ALMS1: variants seen among roughly 807,000 people sequenced by gnomAD.
ALMS1 encodes the protein centrosome-associated protein ALMS1.
A neutral mutation model predicts 352.2 loss-of-function variants in ALMS1; 271 were observed. That is an observed-to-expected ratio of 0.77 (90% CI 0.70 to 0.85). The LOEUF (loss-of-function observed/expected upper bound fraction) is 0.85. Among genes scored for constraint, ALMS1 ranks in the 40% least tolerant of loss-of-function variants. ALMS1 has a pLI of 0.00. For missense variants in ALMS1, 5,445 were observed against 4,870.7 expected, an observed-to-expected ratio of 1.12 and a Z score of -3.51; for synonymous variants, 1,865 against 1,761.2, an observed-to-expected ratio of 1.06 and a Z score of -1.48.
chr2:73,390,766 T>A (rs1216768696), intron 1 of ALMS1, among the ~76,000 whole-genome samples: 2 of 151,798 alleles, frequency 1.3e-5, no homozygotes, highest in African/African-American at 4.8e-5. Context: ...TGCTTGGAAA[T>A]CTTTTTTTTT....
intron 1 of ALMS1, among the ~76,000 whole-genome samples, chr2:73,391,344 A>G (rs1221003238): frequency 1.6e-5 from 2 of 127,646 alleles, no homozygotes; most frequent in Non-Finnish European, 3.1e-5. Context: ...CCCAGGCTGG[A>G]GTGCAGTGGC....
rs753487338 is a variant in ALMS1, at chr2:73,424,511, A to C, written c.846A>C (p.Ala282=). The C allele has an allele frequency of 4.3e-6, 7 of 1,609,692 alleles. No individual in the cohort carries two copies. The highest frequency in any genetic ancestry group is 5.1e-6 in the Non-Finnish European group (6 of 1,177,672). The change falls in exon 5 of 23, where the codon GCA becomes GCC. Residue 282 remains alanine, a synonymous_variant. Coordinates refer to ENST00000613296, the MANE Select transcript of ALMS1 (RefSeq NM_001378454.1). ...GTGAAGCTTTATTCCAGGCTACTGCAGAAGTAGCTTCAGACTTAGCAAGCA... is the reference window on the plus strand; with the variant it reads ...GTGAAGCTTTATTCCAGGCTACTGCCGAAGTAGCTTCAGACTTAGCAAGCA... ...EVSEALFQAT[A]EVASDLASSR...
chr2:73,451,652 T>C lies in ALMS1; in HGVS notation c.5125T>C (p.Ser1709Pro). 6.2e-7 allele frequency: 1 copy of C among 1,614,080 alleles called. No individual in the cohort carries two copies. Among genetic ancestry groups the C allele is most frequent in the Non-Finnish European group, 8.5e-7 (1 of 1,179,992 alleles). Residue 1709 changes from serine (S) to proline (P), a missense_variant, in exon 8 of 23, where the codon TCT becomes CCT. Physicochemically the swap from Ser to Pro is moderately conservative, Grantham distance 74. Transcript: ENST00000613296. ...AQKTETPSVS[S>P]SLYSYREKPI... ...GAAGACTGAGACACCATCAGTATCC[T>C]CTAGTTTATACTCATATAGAGAGAA...
intron 9 of ALMS1, among the ~76,000 whole-genome samples, chr2:73,465,113 TC>T (rs1219797766): frequency 6.6e-6 from 1 of 152,176 alleles, no homozygotes; most frequent in Non-Finnish European, 1.5e-5. Flanking sequence ...CCGGTGACTT[TC>T]TTCACAGAAT....
intron 16 of ALMS1, among the ~76,000 whole-genome samples, chr2:73,574,177 T>A (rs954861390): frequency 2.6e-5 from 4 of 152,176 alleles, no homozygotes; most frequent in African/African-American, 9.6e-5. Context: ...TCTGTCTTCT[T>A]AAAGAAGGCA....
At chr2:73,531,357 G>A (rs1273033490) in intron 11 of ALMS1, among the ~76,000 whole-genome samples, 1 of 152,178 alleles carries the variant, frequency 6.6e-6, no homozygotes, top group African/African-American at 2.4e-5. Flanking sequence ...TCCAGGGCAG[G>A]GGAAAATTGC....
rs779268317 is a variant in ALMS1, at chr2:73,419,159, G to T, written c.487G>T (p.Asp163Tyr). The T allele has an allele frequency of 6.2e-7, 1 of 1,613,952 alleles. No individual in the cohort carries two copies. Among genetic ancestry groups the T allele is most frequent in the Non-Finnish European group, 8.5e-7 (1 of 1,179,930 alleles). ...ESWHCLPQEMDSSQTLDTSQT... is the reference protein window; with the variant it reads ...ESWHCLPQEMYSSQTLDTSQT... ...TTGGCATTGTCTTCCTCAAGAAATG[G>T]ACTCTTCCCAAACCTTGGATACATC... is the stretch of plus-strand genomic sequence containing the variant. The change falls in exon 3 of 23, where the codon GAC (aspartate) becomes TAC (tyrosine). Residue 163 changes from aspartate (D) to tyrosine (Y), a missense_variant. Coordinates refer to ENST00000613296, the MANE Select transcript of ALMS1 (RefSeq NM_001378454.1).
chr2:73,452,080 C>G lies in ALMS1; in HGVS notation c.5553C>G (p.Tyr1851Ter), dbSNP rs1467749660. The change falls in exon 8 of 23, where the codon TAC becomes TAG. Residue 1851 changes from tyrosine (Y) to a stop codon, truncating the protein, a stop_gained. Coordinates refer to ENST00000613296, the MANE Select transcript of ALMS1 (RefSeq NM_001378454.1). LOFTEE classifies it high-confidence loss of function. The stretch of plus-strand genomic sequence containing the variant: ...TAAACATCCTGCCCTCTAATTCCTA[C>G]CCACAGAGAGAGCACTCTGTCATTT... ...TGINILPSNSYPQREHSVISY... is the reference protein window; with the variant it reads ...TGINILPSNS The G allele has an allele frequency of 6.2e-7, 1 of 1,613,886 alleles. No homozygotes were observed. The highest frequency in any genetic ancestry group is 8.5e-7 in the Non-Finnish European group (1 of 1,179,982).
chr2:73,421,343 A>G (rs1252916700), intron 3 of ALMS1, among the ~76,000 whole-genome samples: 1 of 152,172 alleles, frequency 6.6e-6, no homozygotes, highest in African/African-American at 2.4e-5. Context: ...TTAACTGGAA[A>G]TAGTAAATTT....
chr2:73,426,753 T>C (rs1671387817), intron 6 of ALMS1, among the ~76,000 whole-genome samples, 200 bp downstream of exon 6: 1 of 152,226 alleles, frequency 6.6e-6, no homozygotes, highest in Admixed American at 6.5e-5. Context: ...CTCCCTGCAC[T>C]GGCAGCCTAC....
chr2:73,590,419 C>G (rs969437091), intron 16 of ALMS1, among the ~76,000 whole-genome samples: 8 of 152,096 alleles, frequency 5.3e-5, no homozygotes, highest in African/African-American at 1.7e-4. Flanking sequence ...ATTCTCAAAG[C>G]AGAAGTTTTA....
rs1558667016 is a variant in ALMS1 at position 73,490,368 on chromosome 2, G to A, written c.8409G>A (p.Glu2803=). Residue 2803 remains glutamate, a synonymous_variant, in exon 10 of 23, where the codon GAG becomes GAA. Transcript: ENST00000613296. ...GCCAAAAATTACCTGTTGATTTTGA[G>A]CGTTCTTTTCAAGAAGAAAAACCCT... ...RQSQKLPVDF[E]RSFQEEKPLE... 1 of 1,613,330 alleles carries A rather than the reference G, an allele frequency of 6.2e-7. No homozygotes were observed. The highest frequency in any genetic ancestry group is 8.5e-7 in the Non-Finnish European group (1 of 1,179,692).
intron 10 of ALMS1, among the ~76,000 whole-genome samples, chr2:73,492,310 A>G (rs1489882706): frequency 1.3e-5 from 2 of 152,066 alleles, no homozygotes; most frequent in Admixed American, 6.5e-5. Flanking sequence ...TTCATAATCT[A>G]CATGTGGTAG....
rs192616160 is a variant in ALMS1, at chr2:73,478,596, T to A, written c.7675-11038T>A. On this transcript the variant is annotated intron_variant, in intron 9 of 22. Transcript: ENST00000613296. The stretch of plus-strand genomic sequence containing the variant: ...CAACATTTTTTTTGCCCAAATAAAA[T>A]TTTTACATCTATTTTTATCAGCTAA... 1.3e-3 allele frequency among the ~76,000 whole-genome samples: 195 copies of A among 149,740 alleles called. 1 individual carries two copies. Among genetic ancestry groups the A allele is most frequent in the Admixed American group, 1.0e-3 (15 of 14,680 alleles).
At chr2:73,578,145 T>C (rs1675092283) in intron 16 of ALMS1, among the ~76,000 whole-genome samples, 1 of 152,196 alleles carries the variant, frequency 6.6e-6, no homozygotes. Flanking sequence ...TTTTTGTCTC[T>C]TGTAACAATT....
In ALMS1 at chr2:73,608,506, AAGAG is replaced by A. The variant is rs761223068; in HGVS notation, c.12398_12401del (p.Arg4133LysfsTer23). ...TGAGCAGCTTCCAGAAGTACAGAAA[AAGAG>A]AGAAGAAGAGAAGAGAAAATCAGAA... On this transcript the variant is annotated frameshift_variant, in exon 22 of 23. Transcript: ENST00000613296. LOFTEE classifies it high-confidence loss of function. The A allele has an allele frequency of 2.1e-5, 34 of 1,613,918 alleles. No homozygotes were observed. The highest frequency in any genetic ancestry group is 2.6e-5 in the Non-Finnish European group (31 of 1,179,952).
chr2:73,601,403 C>T lies in ALMS1; in HGVS notation c.12081C>T (p.Asp4027=), dbSNP rs1173645798. The T allele has an allele frequency of 6.2e-7, 1 of 1,614,120 alleles. No individual in the cohort carries two copies. Among genetic ancestry groups the T allele is most frequent in the South Asian group, 1.1e-5 (1 of 91,090 alleles). The change falls in exon 19 of 23, where the codon GAC becomes GAT. Residue 4027 remains aspartate (D), a synonymous_variant. Coordinates refer to ENST00000613296, the MANE Select transcript of ALMS1 (RefSeq NM_001378454.1). ...GCCCAGGCAGAGAGGCTGGCAGAGA[C>T]CTACTGAGGCCATTTGTGAGAGCAA... is the stretch of plus-strand genomic sequence containing the variant. ...LAGPGREAGR[D]LLRPFVRATL...
intron 1 of ALMS1, among the ~76,000 whole-genome samples, chr2:73,388,463 CTGTT>C (rs1489552927): frequency 2.6e-5 from 4 of 152,268 alleles, no homozygotes; most frequent in Admixed American, 1.3e-4. Flanking sequence ...CCCCCAGTGT[CTGTT>C]TATTTCCATC....
chr2:73,558,174 A>G (rs1169243261), intron 14 of ALMS1, among the ~76,000 whole-genome samples: 4 of 152,242 alleles, frequency 2.6e-5, no homozygotes, highest in Non-Finnish European at 5.9e-5. Context: ...TTATTCTAAT[A>G]ACAATGTGCC....
Sources: gnomAD v4.1 joint callset for allele counts (sites outside exome capture counted in the v4.1 genomes callset) on GRCh38, gnomAD v4.1.1 for gene constraint, MANE v1.5 for transcripts, NCBI Gene and HGNC (gene_info 2026-07-23, HGNC 2026-07-21) for gene names.